Variants in SYTL2 observed in about 807,000 individuals in gnomAD.
The protein encoded by SYTL2 is synaptotagmin-like protein 2.
Under a neutral mutation model 198.7 loss-of-function variants are expected in SYTL2, and 165 were observed. The ratio of observed to expected loss-of-function variants is 0.83; its 90% CI spans 0.73 to 0.94. The LOEUF (loss-of-function observed/expected upper bound fraction) is 0.94. Ranked by LOEUF, SYTL2 falls within the 40% of genes least tolerant of loss-of-function variation. The pLI, the probability that SYTL2 is intolerant of heterozygous loss-of-function variation, is 0.00. For missense variants in SYTL2, 2,835 were observed against 2,582.8 expected (o/e 1.10, Z -2.12); for synonymous variants, 966 against 917.7 (o/e 1.05, Z -0.95).
intron 1 of SYTL2, among the ~76,000 whole-genome samples, chr11:85,779,044 CTATA>C (rs929807430): frequency 2.0e-5 from 3 of 151,912 alleles, no homozygotes; most frequent in Non-Finnish European, 4.4e-5. Flanking sequence ...GTGTACTATA[CTATA>C]TATATTATAT....
Position 85,727,173 on chromosome 11 carries a change from T to A in SYTL2, c.2185A>T (p.Met729Leu). ...VVKEPGLKDN[M>L]NAERKSKVGN... ...ACTTTGCTCTTTCTCTCTGCATTCATGTTATCTTTCAAACCTGGTTCTTTG... is the reference window on the plus strand; with the variant it reads ...ACTTTGCTCTTTCTCTCTGCATTCAAGTTATCTTTCAAACCTGGTTCTTTG... The change falls in exon 8 of 20, where the codon ATG (methionine) becomes TTG (leucine). Residue 729 changes from methionine (M) to leucine (L), a missense_variant. By Grantham distance (15) the Met-to-Leu change is conservative (BLOSUM62 2). Coordinates refer to ENST00000359152, the MANE Select transcript of SYTL2 (RefSeq NM_206927.4). 1 of 1,536,598 alleles carries A rather than the reference T, an allele frequency of 6.5e-7. No homozygotes were observed.
chr11:85,715,613 C>T (rs1321111225), intron 11 of SYTL2, among the ~76,000 whole-genome samples: 1 of 152,126 alleles, frequency 6.6e-6, no homozygotes. Flanking sequence ...TTTAGCTACA[C>T]GTACTAAAGA....
At chr11:85,836,593 C>A in the SYTL2 span, among the ~76,000 whole-genome samples, 1 of 152,218 alleles carries the variant, frequency 6.6e-6, no homozygotes, top group South Asian at 2.1e-4. Flanking sequence ...AGGCCTCTAA[C>A]ATCCCAGAGT....
intron 1 of SYTL2, among the ~76,000 whole-genome samples, chr11:85,766,377 A>C (rs140703187): frequency 3.3e-5 from 5 of 152,230 alleles, no homozygotes; most frequent in African/African-American, 1.2e-4. Context: ...TAAACTTCAT[A>C]CCTGAGCTGA....
At chr11:85,736,848 A>G (rs112396748) in intron 5 of SYTL2, among the ~76,000 whole-genome samples, 3,141 of 152,348 alleles carry the variant, frequency 0.021, 49 homozygotes, top group Middle Eastern at 0.061. Context: ...TTAGCTCAGA[A>G]TCAGACACTT....
At chr11:85,723,997 G>C in intron 8 of SYTL2, 35 bp downstream of exon 8, 1 of 1,262,954 alleles carries the variant, frequency 7.9e-7, no homozygotes, top group South Asian at 2.1e-5. Flanking sequence ...CCATAAAGCA[G>C]ACTCACTGTG....
chr11:85,778,794 T>C (rs896993966), intron 1 of SYTL2, among the ~76,000 whole-genome samples: 1 of 152,188 alleles, frequency 6.6e-6, no homozygotes, highest in African/African-American at 2.4e-5. Flanking sequence ...CTGGGCCACG[T>C]GGCAAAACCC....
chr11:85,735,517 G>A (rs2090252239), intron 6 of SYTL2, among the ~76,000 whole-genome samples: 1 of 152,168 alleles, frequency 6.6e-6, no homozygotes, highest in African/African-American at 2.4e-5. Flanking sequence ...AGCACTTTGG[G>A]AAGCCGAGGT....
chr11:85,748,008 A>T (rs1262941943), intron 3 of SYTL2, among the ~76,000 whole-genome samples: 1 of 152,164 alleles, frequency 6.6e-6, no homozygotes, highest in East Asian at 1.9e-4. Context: ...TAGATCCTTT[A>T]CAGGCCCCAA....
chr11:85,799,715 A>G (rs1469478091), intron 1 of SYTL2, among the ~76,000 whole-genome samples: 2 of 152,082 alleles, frequency 1.3e-5, no homozygotes, highest in African/African-American at 4.8e-5. Flanking sequence ...AGGAAGCCCT[A>G]CCTTGGCACT....
chr11:85,752,950 A>C (rs79928022), intron 2 of SYTL2, among the ~76,000 whole-genome samples: 201 of 142,460 alleles, frequency 1.4e-3, no homozygotes, highest in African/African-American at 4.8e-3. Context: ...AAAAAAAAAA[A>C]ACACAACTAG....
At chr11:85,788,645 T>TA (rs987394706) in intron 1 of SYTL2, among the ~76,000 whole-genome samples, 46 of 152,134 alleles carry the variant, frequency 3.0e-4, no homozygotes, top group African/African-American at 9.7e-4. Context: ...CATTACATCA[T>TA]AGTAAAATAG....
intron 17 of SYTL2, 108 bp downstream of exon 17, chr11:85,700,407 A>AACTTGAT (rs2084102942): frequency 1.2e-6 from 1 of 827,448 alleles, no homozygotes; most frequent in Non-Finnish European, 2.0e-6. Flanking sequence ...ATACGTTACT[A>AACTTGAT]ACTTGATAAG....
chr11:85,717,228 A>G (rs2087450250), intron 11 of SYTL2: 1 of 220,194 alleles, frequency 4.5e-6, no homozygotes, highest in Admixed American at 5.4e-5. Context: ...CAAAAGCACA[A>G]TAATATCAGC....
At chr11:85,709,248 T>C in intron 14 of SYTL2, 83 bp downstream of exon 14, 1 of 1,395,756 alleles carries the variant, frequency 7.2e-7, no homozygotes, top group Non-Finnish European at 1.0e-6. Context: ...TCCCTCCTCT[T>C]GATTACTTTA....
At chr11:85,709,565 T>C (rs1222063299) in intron 13 of SYTL2, 65 bp from the exon 14 acceptor site, 6 of 1,459,634 alleles carry the variant, frequency 4.1e-6, no homozygotes, top group Non-Finnish European at 5.7e-6. Context: ...ACAAGGATCA[T>C]GGATATAATC....
the SYTL2 span, among the ~76,000 whole-genome samples, chr11:85,839,454 G>T: frequency 2.0e-5 from 3 of 152,306 alleles, no homozygotes; most frequent in South Asian, 6.2e-4. Context: ...GGGTATGGGG[G>T]ATTGAGGGGA....
rs774940548 is a variant in SYTL2 at position 85,757,746 on chromosome 11, A to C, written c.-21T>G. 6.8e-6 allele frequency: 11 copies of C among 1,608,994 alleles called. No individual in the cohort carries two copies. In the Admixed American group the frequency reaches 1.8e-4, roughly 27 times the overall value. ...ATCATTTTGAAAAGTGCATGCAAAA[A>C]TAATAGCAACAAATGTGGCTCAAAA... On this transcript the variant is annotated 5_prime_UTR_variant, in exon 2 of 20. Transcript: ENST00000359152.
chr11:85,823,037 T>C, the SYTL2 span, among the ~76,000 whole-genome samples: 2 of 152,376 alleles, frequency 1.3e-5, no homozygotes, highest in East Asian at 3.9e-4. Context: ...CATGGAACAT[T>C]GGTTGCTTTC....
Sources: gnomAD v4.1 joint callset for allele counts (sites outside exome capture counted in the v4.1 genomes callset) on GRCh38, gnomAD v4.1.1 for gene constraint, MANE v1.5 for transcripts, NCBI Gene and HGNC (gene_info 2026-07-23, HGNC 2026-07-21) for gene names.